The following CDH13 variants were observed in gnomAD, a reference collection of about 807,000 sequenced individuals.
The protein encoded by CDH13 is cadherin 13.
In CDH13, 24 loss-of-function variants were observed where a neutral mutation model predicts 63.8. The observed-to-expected ratio is 0.38, with a 90% CI of 0.27 to 0.53. The LOEUF (loss-of-function observed/expected upper bound fraction) is 0.53. CDH13 is among the 20% of genes least tolerant of loss of function. The pLI is 0.85. For synonymous variants in CDH13, 503 were observed against 355.3 expected (o/e 1.42, Z -4.67); for missense variants, 1,049 against 903.1 (o/e 1.16, Z -2.07).
At chr16:83,082,080 C>A (rs952628920) in intron 3 of CDH13, among the ~76,000 whole-genome samples, 2 of 152,098 alleles carry the variant, frequency 1.3e-5, no homozygotes, top group African/African-American at 4.8e-5. Flanking sequence ...GATTACAGGC[C>A]TGAGCCACTG....
chr16:82,822,789 C>G (rs2038064551), intron 1 of CDH13, among the ~76,000 whole-genome samples: 1 of 152,204 alleles, frequency 6.6e-6, no homozygotes, highest in South Asian at 2.1e-4. Flanking sequence ...GCCACCATGC[C>G]CAGTCTATCT....
intron 6 of CDH13, among the ~76,000 whole-genome samples, chr16:83,478,717 C>G (rs1035830526): frequency 7.2e-5 from 11 of 151,992 alleles, no homozygotes; most frequent in Non-Finnish European, 1.5e-4. Flanking sequence ...CTCTGCCACT[C>G]TGCAGTTCCA....
intron 3 of CDH13, among the ~76,000 whole-genome samples, chr16:83,034,411 A>T (rs1916663688): frequency 6.6e-6 from 1 of 152,316 alleles, no homozygotes; most frequent in South Asian, 2.1e-4. Flanking sequence ...TTTCAGAGGA[A>T]ACTGGATATT....
In CDH13 at chr16:83,496,203, T is replaced by C. The variant is rs2074139692; in HGVS notation, c.960+9548T>C. Among the ~76,000 whole-genome samples the C allele has an allele frequency of 2.6e-5, 4 of 151,712 alleles. No homozygotes were observed. The South Asian group carries it at 8.4e-4, about 32-fold the overall frequency. On this transcript the variant is annotated intron_variant, in intron 7 of 13. Transcript: ENST00000567109. The stretch of plus-strand genomic sequence containing the variant: ...CCAAAAAAGAGCCCGCATCGCCAAG[T>C]CAATCCTAAGCCAAAAGAACAAAGC...
chr16:83,443,704 CGAAAAAAAAAAAAAAAA>C (rs2072553584), intron 6 of CDH13, among the ~76,000 whole-genome samples: 2 of 19,498 alleles, frequency 1.0e-4, no homozygotes, highest in African/African-American at 3.8e-4. Context: ...GAAGTCCCTA[CGAAAAAAAAAAAAAAAA>C]AAAAAAAAAA....
intron 2 of CDH13, among the ~76,000 whole-genome samples, chr16:82,948,688 T>G (rs564983603): frequency 6.6e-6 from 1 of 152,326 alleles, no homozygotes; most frequent in East Asian, 1.9e-4. Context: ...CAAAATGTTG[T>G]CTAGAATGCC....
At chr16:83,104,619 G>C (rs563470283) in intron 3 of CDH13, among the ~76,000 whole-genome samples, 2 of 152,024 alleles carry the variant, frequency 1.3e-5, no homozygotes, top group South Asian at 4.2e-4. Flanking sequence ...TGTACCAGGC[G>C]GTGGCGGGGG....
intron 4 of CDH13, among the ~76,000 whole-genome samples, chr16:83,167,984 T>A (rs1161467831): frequency 3.3e-5 from 5 of 151,928 alleles, no homozygotes; most frequent in Non-Finnish European, 7.4e-5. Flanking sequence ...CACTTATAAG[T>A]GGGACCTAAA....
chr16:83,344,591 GT>G (rs2090797524), intron 5 of CDH13, among the ~76,000 whole-genome samples: 1 of 152,122 alleles, frequency 6.6e-6, no homozygotes, highest in African/African-American at 2.4e-5. Flanking sequence ...TATGTTTTGA[GT>G]TTTTTTGTTT....
rs200039308 is a variant in CDH13 at position 82,717,479 on chromosome 16, ACT to A, written c.45+90347_45+90348del. Among the ~76,000 whole-genome samples the A allele has an allele frequency of 6.3e-3, 937 of 149,022 alleles. 12 individuals are homozygous for A. Among genetic ancestry groups the A allele is most frequent in the African/African-American group, 0.022 (899 of 40,420 alleles). On this transcript the variant is annotated intron_variant, in intron 1 of 13. Transcript: ENST00000567109. Reference sequence around the variant, plus strand: ...AGAGCCCCCCCACTCATCCACACTTACTCTCTTACAATCCTGGAAGGCAACTT... The same window carrying A: ...AGAGCCCCCCCACTCATCCACACTTACTCTTACAATCCTGGAAGGCAACTT...
chr16:83,578,598 T>G (rs181137022), intron 7 of CDH13, among the ~76,000 whole-genome samples: 7 of 152,260 alleles, frequency 4.6e-5, no homozygotes, highest in Non-Finnish European at 1.0e-4. Context: ...AAATATTCAT[T>G]CAGGCATTGA....
At chr16:82,908,094 A>G (rs1283121152) in intron 2 of CDH13, among the ~76,000 whole-genome samples, 1 of 152,088 alleles carries the variant, frequency 6.6e-6, no homozygotes, top group Non-Finnish European at 1.5e-5. Flanking sequence ...ATTGGACCAC[A>G]CTATCCTTAA....
intron 7 of CDH13, among the ~76,000 whole-genome samples, chr16:83,564,133 G>A (rs909847276): frequency 3.9e-5 from 6 of 152,168 alleles, no homozygotes; most frequent in Admixed American, 3.9e-4. Context: ...ACATCTGAGA[G>A]GCACTACTAG....
At chr16:83,664,863 T>A (rs1913788059) in intron 8 of CDH13, among the ~76,000 whole-genome samples, 1 of 152,218 alleles carries the variant, frequency 6.6e-6, no homozygotes, top group African/African-American at 2.4e-5. Flanking sequence ...AATTGTCAGA[T>A]ATGTTGTAGA....
chr16:82,676,377 C>T (rs1055985140), intron 1 of CDH13, among the ~76,000 whole-genome samples: 11 of 152,092 alleles, frequency 7.2e-5, no homozygotes, highest in African/African-American at 2.4e-4. Flanking sequence ...TCCCCTTTCT[C>T]ACAGTCAATT....
intron 1 of CDH13, among the ~76,000 whole-genome samples, chr16:82,704,157 T>G (rs1205166415): frequency 1.3e-5 from 2 of 150,712 alleles, no homozygotes; most frequent in Admixed American, 6.6e-5. Context: ...AAGAAAGAGG[T>G]GGGGGTGGGC....
At chr16:83,150,424 AT>A (rs2036928731) in intron 4 of CDH13, among the ~76,000 whole-genome samples, 1 of 151,958 alleles carries the variant, frequency 6.6e-6, no homozygotes, top group Admixed American at 6.6e-5. Context: ...GCTTCTGCAC[AT>A]CTCACATTCT....
chr16:83,029,492 T>G (rs1037255249), intron 2 of CDH13, among the ~76,000 whole-genome samples: 1 of 152,164 alleles, frequency 6.6e-6, no homozygotes, highest in African/African-American at 2.4e-5. Context: ...TAAAGATAAA[T>G]ATAGTAACCT....
chr16:82,716,928 A>G (rs1474209701), intron 1 of CDH13, among the ~76,000 whole-genome samples: 2 of 151,850 alleles, frequency 1.3e-5, no homozygotes, highest in Non-Finnish European at 2.9e-5. Flanking sequence ...GTCCCGGTGT[A>G]GAGTTTGGTG....
Sources: allele counts gnomAD v4.1 joint callset (sites outside exome capture counted in the v4.1 genomes callset), GRCh38; gene constraint gnomAD v4.1.1; transcripts MANE v1.5; gene names NCBI Gene and HGNC (gene_info 2026-07-23, HGNC 2026-07-21).